KDM6B: variants seen among roughly 807,000 people sequenced by gnomAD.
The protein encoded by KDM6B is lysine demethylase 6B.
In KDM6B, 22 loss-of-function variants were observed where a neutral mutation model predicts 150.4. The observed-to-expected ratio is 0.15, with a 90% CI of 0.10 to 0.21. KDM6B has a LOEUF of 0.21. Among genes scored for constraint, KDM6B ranks in the 10% least tolerant of loss-of-function variants. The pLI is 1.00. For synonymous variants in KDM6B, 1,148 were observed against 921.1 expected (o/e 1.25, Z -4.46); for missense variants, 1,984 against 2,234.3 (o/e 0.89, Z 2.26).
At chr17:7,850,310 C>A in intron 14 of KDM6B, 133 bp downstream of exon 14, 1 of 705,284 alleles carries the variant, frequency 1.4e-6, no homozygotes, top group South Asian at 1.8e-5. Context: ...GGTCTGCTGG[C>A]CTTGGGCTCT....
intron 23 of KDM6B, 21 bp from the exon 24 acceptor site, chr17:7,853,477 C>G: frequency 6.6e-7 from 1 of 1,504,496 alleles, no homozygotes; most frequent in South Asian, 1.3e-5. Context: ...CCCTGAGCCC[C>G]CGCCGGCTTT....
chr17:7,851,779 C>T lies in KDM6B; in HGVS notation c.4148C>T (p.Pro1383Leu). 1.3e-6 allele frequency: 2 copies of T among 1,554,698 alleles called. No homozygotes were observed. The highest frequency in any genetic ancestry group is 8.7e-7 in the Non-Finnish European group (1 of 1,149,690). Residue 1383 changes from proline to leucine, a missense_variant, in exon 18 of 24, where the codon CCC becomes CTC. Physicochemically the swap from Pro to Leu is moderately conservative, Grantham distance 98 (BLOSUM62 -3). Coordinates refer to ENST00000448097, the MANE Select transcript of KDM6B (RefSeq NM_001348716.2). ...MNTVQLYMKV[P>L]GSRTPGHQEN... Reference sequence around the variant, plus strand: ...ACGGTGCAGCTGTACATGAAGGTGCCCGGCAGCCGAACGCCAGGTGCGCTC... The same window carrying T: ...ACGGTGCAGCTGTACATGAAGGTGCTCGGCAGCCGAACGCCAGGTGCGCTC...
rs780461185 is a variant in KDM6B, at chr17:7,853,387, G to A, written c.4908+7G>A. On this transcript the variant is annotated splice_region_variant and intron_variant, in intron 23 of 23. Coordinates refer to ENST00000448097, the MANE Select transcript of KDM6B (RefSeq NM_001348716.2). Reference sequence around the variant, plus strand: ...CTACGACGCCTTCACGCTGGTGAGGGCCCGGCGGGCGCGCGGGCAGCGGAG... The same window carrying A: ...CTACGACGCCTTCACGCTGGTGAGGACCCGGCGGGCGCGCGGGCAGCGGAG... The A allele has an allele frequency of 6.5e-7, 1 of 1,541,298 alleles. No homozygotes were observed. Among genetic ancestry groups the A allele is most frequent in the Non-Finnish European group, 8.7e-7 (1 of 1,147,966 alleles).
Position 7,851,809 on chromosome 17 carries a change from C to G in KDM6B, c.4165+13C>G, listed in dbSNP as rs1340629005. On this transcript the variant is annotated intron_variant, in intron 18 of 23. Transcript: ENST00000448097. Reference sequence around the variant, plus strand: ...AGCCGAACGCCAGGTGCGCTCCACGCCTGTGCGCGCTGATGCTGGAAGCGC... The same window carrying G: ...AGCCGAACGCCAGGTGCGCTCCACGGCTGTGCGCGCTGATGCTGGAAGCGC... 4.5e-6 allele frequency: 7 copies of G among 1,556,176 alleles called. No homozygotes were observed. Among genetic ancestry groups the G allele is most frequent in the Non-Finnish European group, 6.1e-6 (7 of 1,150,144 alleles).
rs1399011136 is a variant in KDM6B at position 7,848,380 on chromosome 17, A to G, written c.2092A>G (p.Ile698Val). 1 of 1,613,026 alleles carries G rather than the reference A, an allele frequency of 6.2e-7. No homozygotes were observed. Among genetic ancestry groups the G allele is most frequent in the African/African-American group, 1.3e-5 (1 of 75,006 alleles). The change falls in exon 12 of 24, where the codon ATC (isoleucine) becomes GTC (valine). Residue 698 changes from isoleucine to valine, a missense_variant. Physicochemically the swap from Ile to Val is conservative, Grantham distance 29. This residue lies in a region of KDM6B where 1,379 missense variants were observed against 1,275.6 expected (regional missense o/e 1.08). Coordinates refer to ENST00000448097, the MANE Select transcript of KDM6B (RefSeq NM_001348716.2). The part of the protein sequence containing the change: ...FKILPDGLAN[I>V]MKMLDESIRK... The stretch of plus-strand genomic sequence containing the variant: ...GATCCTACCTGATGGGCTGGCCAAC[A>G]TCATGAAGATGCTGGACGAATCCAT...
rs952007933 is a variant in KDM6B at position 7,840,665 on chromosome 17, C to T, written c.-269+641C>T. 13 of 152,208 alleles carry T rather than the reference C, an allele frequency of 8.5e-5. No homozygotes were observed. The East Asian group carries it at 1.2e-3, about 14-fold the overall frequency. The allele number at this position is 152,208 out of a possible 1,614,324, so 9.4% of individuals were successfully genotyped here. ...AGAAAAGGGAAGATAATCCCTAAGC[C>T]AGGGGCTTAAGTTCTCTCTGTGTTG... is the stretch of plus-strand genomic sequence containing the variant. On this transcript the variant is annotated intron_variant, in intron 2 of 23. Coordinates refer to ENST00000448097, the MANE Select transcript of KDM6B (RefSeq NM_001348716.2).
intron 2 of KDM6B, among the ~76,000 whole-genome samples, chr17:7,842,620 C>G (rs1188888867): frequency 6.6e-6 from 1 of 152,146 alleles, no homozygotes; most frequent in African/African-American, 2.4e-5. Context: ...GGAACAGGTG[C>G]AAGCGCCGCG....
chr17:7,835,246 G>C (rs902635317), intron 1 of KDM6B, among the ~76,000 whole-genome samples: 1 of 152,064 alleles, frequency 6.6e-6, no homozygotes, highest in African/African-American at 2.4e-5. Flanking sequence ...GGGGAGGGGG[G>C]CACGCGGGGT....
Position 7,848,006 on chromosome 17 carries a change from C to A in KDM6B, c.1718C>A (p.Pro573Gln), listed in dbSNP as rs553101718. Residue 573 changes from proline to glutamine, a missense_variant, in exon 12 of 24, where the codon CCA becomes CAA. Around this residue, in one of 13 missense-constraint regions of KDM6B, gnomAD observed 1,379 missense variants for 1,275.6 expected, o/e 1.08. Transcript: ENST00000448097. ...SSPAGPVSFP[P>Q]PPYLARSIDP... ...CCTGCTGGGCCTGTGTCCTTTCCCC[C>A]ACCACCCTATCTGGCCAGAAGTATA... 2.5e-6 allele frequency: 4 copies of A among 1,612,898 alleles called. No homozygotes were observed. The highest frequency in any genetic ancestry group is 3.4e-6 in the Non-Finnish European group (4 of 1,179,706).
chr17:7,846,221 C>T lies in KDM6B; in HGVS notation c.380C>T (p.Thr127Ile), dbSNP rs1190451952. Residue 127 changes from threonine (T) to isoleucine (I), a missense_variant, in exon 7 of 24, where the codon ACA becomes ATA. By Grantham distance (89) the Thr-to-Ile change is moderately conservative. Transcript: ENST00000448097. ...YESEHDSEEATRCYHSALRYG... is the reference protein window; with the variant it reads ...YESEHDSEEAIRCYHSALRYG... ...TCAGAGCACGATAGTGAGGAGGCCA[C>T]ACGCTGCTACCACAGCGCCCTTCGA... The T allele has an allele frequency of 1.6e-5, 26 of 1,614,130 alleles. No homozygotes were observed. The highest frequency in any genetic ancestry group is 2.1e-5 in the Non-Finnish European group (25 of 1,180,010).
chr17:7,853,018 C>T lies in KDM6B; in HGVS notation c.4629C>T (p.Ser1543=), dbSNP rs2078733444. The T allele has an allele frequency of 6.2e-7, 1 of 1,613,992 alleles. No individual in the cohort carries two copies. Among genetic ancestry groups the T allele is most frequent in the Non-Finnish European group, 8.5e-7 (1 of 1,180,016 alleles). ...FKMIKFCLLQ[S]MKHCQVQRES... The stretch of plus-strand genomic sequence containing the variant: ...TCCCCAGGTTCTGCCTGCTGCAGTC[C>T]ATGAAGCACTGCCAGGTGCAACGCG... Residue 1543 remains serine, a synonymous_variant, in exon 22 of 24, where the codon TCC becomes TCT. Coordinates refer to ENST00000448097, the MANE Select transcript of KDM6B (RefSeq NM_001348716.2).
chr17:7,849,666 G>C lies in KDM6B; in HGVS notation c.3378G>C (p.Arg1126=), dbSNP rs1231203157. 6.2e-7 allele frequency: 1 copy of C among 1,609,708 alleles called. No individual in the cohort carries two copies. ...ETFIASEVEE[R]RLRMADLTIS... ...TTATCGCCTCTGAGGTGGAAGAGCG[G>C]CGGCTGCGCATGGCAGACCTCACCA... The change falls in exon 12 of 24, where the codon CGG becomes CGC. Residue 1126 remains arginine, a synonymous_variant. Transcript: ENST00000448097.
chr17:7,845,625 G>A lies in KDM6B; in HGVS notation c.71G>A (p.Cys24Tyr), dbSNP rs1302314690. 1 of 1,614,184 alleles carries A rather than the reference G, an allele frequency of 6.2e-7. No individual in the cohort carries two copies. ...GCCTTTGCCCTTGGGGGCCTGAGCT[G>A]TGCTGGGGCCTGGAGCTCCTGCCCG... ...REAFALGGLS[C>Y]AGAWSSCPPH... Residue 24 changes from cysteine to tyrosine, a missense_variant, in exon 5 of 24, where the codon TGT becomes TAT. Physicochemically the swap from Cys to Tyr is radical, Grantham distance 194. Around this residue, in one of 13 missense-constraint regions of KDM6B, gnomAD observed 337 missense variants for 323.9 expected, o/e 1.04. Transcript: ENST00000448097.
At chr17:7,835,809 C>A (rs969486650) in intron 1 of KDM6B, among the ~76,000 whole-genome samples, 1 of 150,688 alleles carries the variant, frequency 6.6e-6, no homozygotes, top group Non-Finnish European at 1.5e-5. Flanking sequence ...GAGCCGGGCG[C>A]CCCCCTCCCC....
chr17:7,849,647 C>T lies in KDM6B; in HGVS notation c.3359C>T (p.Ala1120Val). Residue 1120 changes from alanine to valine, a missense_variant, in exon 12 of 24, where the codon GCC (alanine) becomes GTC (valine). Ala to Val is a moderately conservative substitution (Grantham distance 64, BLOSUM62 0). Around this residue, in one of 13 missense-constraint regions of KDM6B, gnomAD observed 1,379 missense variants for 1,275.6 expected, o/e 1.08. Transcript: ENST00000448097. ...VESGDKETFI[A>V]SEVEERRLRM... ...AGTGGTGACAAGGAGACCTTTATCG[C>T]CTCTGAGGTGGAAGAGCGGCGGCTG... is the stretch of plus-strand genomic sequence containing the variant. The T allele has an allele frequency of 6.2e-7, 1 of 1,611,180 alleles. No individual in the cohort carries two copies. The highest frequency in any genetic ancestry group is 8.5e-7 in the Non-Finnish European group (1 of 1,180,018).
rs1390712413 is a variant in KDM6B at position 7,851,643 on chromosome 17, C to T, written c.4017-5C>T. On this transcript the variant is annotated splice_region_variant and splice_polypyrimidine_tract_variant and intron_variant, in intron 17 of 23. Transcript: ENST00000448097. ...GTAGCCTCTCGTCGCACTTCCGCAC[C>T]GCAGGTGGAAGCCCCAGCTGCAGGA... 1.9e-6 allele frequency: 3 copies of T among 1,593,846 alleles called. No individual in the cohort carries two copies. Among genetic ancestry groups the T allele is most frequent in the Non-Finnish European group, 8.5e-7 (1 of 1,170,028 alleles).
At chr17:7,842,197 T>G (rs2078430297) in intron 2 of KDM6B, among the ~76,000 whole-genome samples, 1 of 150,150 alleles carries the variant, frequency 6.7e-6, no homozygotes, top group Admixed American at 6.6e-5. Flanking sequence ...ATTGATGGAG[T>G]GTTCTCTCTT....
rs2078635267 is a variant in KDM6B at position 7,849,121 on chromosome 17, G to C, written c.2833G>C (p.Ala945Pro). The change falls in exon 12 of 24, where the codon GCG becomes CCG. Residue 945 changes from alanine (A) to proline (P), a missense_variant. Physicochemically the swap from Ala to Pro is conservative, Grantham distance 27. Coordinates refer to ENST00000448097, the MANE Select transcript of KDM6B (RefSeq NM_001348716.2). ...CGACCCAGTGGACACAGCAGAGCCA[G>C]CGGACAGTGGGACTGAGCGACTGCT... The part of the protein sequence containing the change: ...PADPVDTAEP[A>P]DSGTERLLPP... The C allele has an allele frequency of 6.2e-7, 1 of 1,612,484 alleles. No individual in the cohort carries two copies. The highest frequency in any genetic ancestry group is 2.2e-5 in the East Asian group (1 of 44,876).
At position 7,847,837 on chromosome 17, in the gene KDM6B, C is replaced by T. The variant is rs1338200449; in HGVS notation, c.1549C>T (p.Pro517Ser). 2.0e-6 allele frequency: 3 copies of T among 1,533,274 alleles called. No homozygotes were observed. Among genetic ancestry groups the T allele is most frequent in the Non-Finnish European group, 2.7e-6 (3 of 1,131,676 alleles). The allele number at this position is 1,533,274 out of a possible 1,614,324, so 95.0% of individuals were successfully genotyped here. A position where few individuals can be genotyped will look rare whatever the true frequency, so the allele number is the denominator to read the frequency against. ...TGAGGGACCCCCCCGCCCTGCCCCA[C>T]CACCCCTCCCCCATCGCGAGGGCTT... ...GTEGPPRPAP[P>S]PLPHREGFLG... The change falls in exon 12 of 24, where the codon CCA becomes TCA. Residue 517 changes from proline to serine, a missense_variant. By Grantham distance (74) the Pro-to-Ser change is moderately conservative. This residue lies in a region of KDM6B where 1,379 missense variants were observed against 1,275.6 expected (regional missense o/e 1.08). Coordinates refer to ENST00000448097, the MANE Select transcript of KDM6B (RefSeq NM_001348716.2).
Sources: allele counts gnomAD v4.1 joint callset (sites outside exome capture counted in the v4.1 genomes callset), GRCh38; gene constraint gnomAD v4.1.1; regional missense constraint gnomAD v4.1.1; transcripts MANE v1.5; gene names NCBI Gene and HGNC (gene_info 2026-07-23, HGNC 2026-07-21).